EXOC4: variants seen among roughly 807,000 people sequenced by gnomAD.
The protein encoded by EXOC4 is SEC8-like 1.
Under a neutral mutation model 107.2 loss-of-function variants are expected in EXOC4, and 71 were observed. The ratio of observed to expected loss-of-function variants is 0.66; its 90% CI spans 0.55 to 0.81. The LOEUF is 0.81. Among genes scored for constraint, EXOC4 ranks in the 30% least tolerant of loss-of-function variants. EXOC4 has a pLI of 0.00. For missense variants in EXOC4, 1,108 were observed against 1,189.6 expected (o/e 0.93, Z 1.01); for synonymous variants, 456 against 441.2 (o/e 1.03, Z -0.42).
At chr7:133,676,327 A>C (rs143005284) in intron 10 of EXOC4, among the ~76,000 whole-genome samples, 2 of 152,298 alleles carry the variant, frequency 1.3e-5, no homozygotes, top group East Asian at 3.9e-4. Flanking sequence ...TAGCATACCA[A>C]GTATGCCTCT....
At chr7:134,015,130 A>G (rs1327359226) in intron 17 of EXOC4, among the ~76,000 whole-genome samples, 2 of 152,206 alleles carry the variant, frequency 1.3e-5, no homozygotes, top group African/African-American at 4.8e-5. Flanking sequence ...GCCTGAAGTC[A>G]GGGCTGGCTT....
intron 10 of EXOC4, among the ~76,000 whole-genome samples, chr7:133,630,597 C>T (rs940389621): frequency 6.6e-6 from 1 of 152,058 alleles, no homozygotes; most frequent in South Asian, 2.1e-4. Flanking sequence ...CTCATATGGC[C>T]CACAAAGCCT....
intron 14 of EXOC4, among the ~76,000 whole-genome samples, chr7:133,990,562 TCTC>T (rs1794228538): frequency 6.6e-6 from 1 of 152,116 alleles, no homozygotes. Context: ...TTCAAGCAAT[TCTC>T]CTGCCTTAGC....
At chr7:133,317,413 A>G in intron 5 of EXOC4, 23 bp downstream of exon 5, 1 of 1,498,160 alleles carries the variant, frequency 6.7e-7, no homozygotes, top group Non-Finnish European at 9.3e-7. Context: ...TTCTTCAGCC[A>G]CTAAGCTTTT....
downstream of EXOC4, among the ~76,000 whole-genome samples, chr7:134,070,896 A>G (rs1269802492): frequency 6.6e-6 from 1 of 152,222 alleles, no homozygotes; most frequent in African/African-American, 2.4e-5. Flanking sequence ...ATACTCTAGC[A>G]GGAACCTGAT....
At chr7:133,579,357 C>T (rs575156533) in intron 9 of EXOC4, among the ~76,000 whole-genome samples, 1 of 152,236 alleles carries the variant, frequency 6.6e-6, no homozygotes, top group African/African-American at 2.4e-5. Context: ...AGAAAATATT[C>T]TCTTCTTGTA....
chr7:133,665,287 G>T (rs994955702), intron 10 of EXOC4, among the ~76,000 whole-genome samples: 4 of 152,054 alleles, frequency 2.6e-5, no homozygotes, highest in Non-Finnish European at 4.4e-5. Flanking sequence ...ATCTCAAGTT[G>T]ATCAGTTAAC....
intron 6 of EXOC4, among the ~76,000 whole-genome samples, chr7:133,357,994 C>T (rs1008845754): frequency 4.6e-5 from 7 of 152,060 alleles, no homozygotes; most frequent in African/African-American, 1.7e-4. Flanking sequence ...TCGAGAGCAG[C>T]CTGGCCAACA....
intron 1 of EXOC4, among the ~76,000 whole-genome samples, chr7:133,262,942 T>C (rs2150508301): frequency 6.6e-6 from 1 of 152,334 alleles, no homozygotes; most frequent in South Asian, 2.1e-4. Flanking sequence ...AATTTAATCA[T>C]GGGGGCAGGT....
intron 11 of EXOC4, among the ~76,000 whole-genome samples, chr7:133,846,394 G>A (rs1280166921): frequency 6.6e-6 from 1 of 152,162 alleles, no homozygotes; most frequent in Admixed American, 6.5e-5. Flanking sequence ...ACCCTTAACT[G>A]AGCTGTGTGT....
intron 6 of EXOC4, among the ~76,000 whole-genome samples, chr7:133,363,969 T>G (rs1379844173): frequency 6.6e-6 from 1 of 152,166 alleles, no homozygotes; most frequent in Non-Finnish European, 1.5e-5. Flanking sequence ...TAAAGCACCT[T>G]CATGTGTCTC....
At chr7:133,452,589 A>G (rs1362367832) in intron 7 of EXOC4, among the ~76,000 whole-genome samples, 1 of 148,326 alleles carries the variant, frequency 6.7e-6, no homozygotes, top group Admixed American at 6.8e-5. Flanking sequence ...TCGTATGTCC[A>G]GAATAGCTAA....
intron 9 of EXOC4, among the ~76,000 whole-genome samples, chr7:133,595,720 TA>T (rs1238280091): frequency 6.6e-6 from 1 of 152,194 alleles, no homozygotes; most frequent in East Asian, 1.9e-4. Context: ...GTGGCAGAAT[TA>T]TTTTTTTAAA....
intron 1 of EXOC4, 89 bp downstream of exon 1, chr7:133,253,276 C>T (rs1794933899): frequency 3.5e-6 from 5 of 1,420,444 alleles, no homozygotes; most frequent in Non-Finnish European, 4.7e-6. Flanking sequence ...GGGTCCCACC[C>T]TGCTCTCCCC....
intron 9 of EXOC4, among the ~76,000 whole-genome samples, chr7:133,499,662 G>A (rs958720116): frequency 3.3e-4 from 50 of 152,234 alleles, no homozygotes; most frequent in African/African-American, 1.2e-3. Context: ...AGTGTGGGAG[G>A]TGGGGCCTGA....
intron 7 of EXOC4, among the ~76,000 whole-genome samples, chr7:133,393,940 A>G (rs576207795): frequency 8.5e-5 from 13 of 152,332 alleles, no homozygotes; most frequent in Admixed American, 1.3e-4. Context: ...AAGGTTTGCT[A>G]TATTCCCAGG....
At position 133,284,309 on chromosome 7, in the gene EXOC4, A is replaced by G. The variant is rs1241873198; in HGVS notation, c.277-4613A>G. ...GGAGCCTAGTTGGGTGTTGTATAAC[A>G]TAAGATTTATTTTTAACTGTTTCCA... On this transcript the variant is annotated intron_variant, in intron 2 of 17. Transcript: ENST00000253861. Among the ~76,000 whole-genome samples, 6 of 152,170 alleles carry G rather than the reference A, an allele frequency of 3.9e-5. No individual in the cohort carries two copies. The East Asian group carries it at 5.8e-4, about 15-fold the overall frequency.
chr7:133,531,497 C>A (rs1169242268), intron 9 of EXOC4, among the ~76,000 whole-genome samples: 1 of 152,026 alleles, frequency 6.6e-6, no homozygotes, highest in Non-Finnish European at 1.5e-5. Flanking sequence ...ACTGGAGGAA[C>A]GACAAAGGAA....
At chr7:133,886,361 A>G (rs1465644992) in intron 11 of EXOC4, among the ~76,000 whole-genome samples, 1 of 152,224 alleles carries the variant, frequency 6.6e-6, no homozygotes, top group Non-Finnish European at 1.5e-5. Flanking sequence ...TCTGGCAAAC[A>G]GTGGACTAGT....
Sources: allele counts gnomAD v4.1 joint callset (sites outside exome capture counted in the v4.1 genomes callset), GRCh38; gene constraint gnomAD v4.1.1; transcripts MANE v1.5; gene names NCBI Gene and HGNC (gene_info 2026-07-23, HGNC 2026-07-21).